Variants in TNXB observed in about 807,000 individuals in gnomAD.
TNXB encodes tenascin-X.
TNXB carries 183 observed loss-of-function variants against 340.5 expected under a neutral mutation model. That is an observed-to-expected ratio of 0.54 (90% CI 0.48 to 0.61). TNXB has a LOEUF of 0.61. Ranked by LOEUF, TNXB falls within the 20% of genes least tolerant of loss-of-function variation. The pLI is 0.00. For missense variants in TNXB, 4,613 were observed against 5,446.4 expected (o/e 0.85, Z 4.82); for synonymous variants, 2,121 against 2,314.5 (o/e 0.92, Z 2.40).
At position 32,081,817 on chromosome 6, in the gene TNXB, G is replaced by A; in HGVS notation, c.3737-144C>T. On this transcript the variant is annotated intron_variant, in intron 9 of 43. Coordinates refer to ENST00000644971, the MANE Select transcript of TNXB (RefSeq NM_001365276.2). The surrounding 1 kb of genome is among the most constrained non-coding windows in gnomAD (Gnocchi z 5.1). ...CTAAACTTCTGGGAAGCCTGACACAGCCAGGGTATGACACACCTTCTGGGC... is the reference window on the plus strand; with the variant it reads ...CTAAACTTCTGGGAAGCCTGACACAACCAGGGTATGACACACCTTCTGGGC... 1.4e-6 allele frequency: 1 copy of A among 696,530 alleles called. No homozygotes were observed. Among genetic ancestry groups the A allele is most frequent in the South Asian group, 1.9e-5 (1 of 51,760 alleles). The allele number at this position is 696,530 out of a possible 1,614,324, so 43.1% of individuals were successfully genotyped here.
chr6:32,064,699 C>T lies in TNXB; in HGVS notation c.6841+122G>A, dbSNP rs1333078375. ...CTCGGAGTGAAGGCACCAGCAGAACCATTCCCAGGAGCTTGGGAGGCTTGG... is the reference window on the plus strand; with the variant it reads ...CTCGGAGTGAAGGCACCAGCAGAACTATTCCCAGGAGCTTGGGAGGCTTGG... On this transcript the variant is annotated intron_variant, in intron 19 of 43. Transcript: ENST00000644971. This position sits in a 1 kb window ranked among gnomAD's most constrained non-coding sequence, Gnocchi z 5.3. 2.9e-6 allele frequency: 4 copies of T among 1,362,438 alleles called. No individual in the cohort carries two copies. Among genetic ancestry groups the T allele is most frequent in the Non-Finnish European group, 3.9e-6 (4 of 1,026,516 alleles). The allele number at this position is 1,362,438 out of a possible 1,614,324, so 84.4% of individuals were successfully genotyped here.
rs199828189 is a variant in TNXB, at chr6:32,049,596, GAGA to G, written c.9440-12_9440-10del. The G allele has an allele frequency of 4.8e-3, 7,779 of 1,607,978 alleles. 160 individuals are homozygous for G. The highest frequency in any genetic ancestry group is 0.042 in the Admixed American group (2,494 of 59,846). On this transcript the variant is annotated splice_polypyrimidine_tract_variant and intron_variant, in intron 27 of 43. Transcript: ENST00000644971. The surrounding 1 kb of genome is among the most constrained non-coding windows in gnomAD (Gnocchi z 4.5). ...GCTGGGGGTCTCTTCCTCTGCAGTG[GAGA>G]AGGAGGGAGAGAGAGTGAGGGGGAT...
In TNXB at chr6:32,050,083, C is replaced by T. The variant is rs1455655573; in HGVS notation, c.9354G>A (p.Leu3118=). The T allele has an allele frequency of 5.0e-6, 8 of 1,613,764 alleles. No homozygotes were observed. Among genetic ancestry groups the T allele is most frequent in the Non-Finnish European group, 6.8e-6 (8 of 1,179,888 alleles). The change falls in exon 27 of 44, where the codon CTG becomes CTA. Residue 3118 remains leucine, a synonymous_variant. Transcript: ENST00000644971. ...GHEDGVTISG[L]EPDHKYKMNL... ...TCATCTTGTATTTATGGTCTGGCTC[C>T]AGGCCTGAGATGGTGACCCCGTCCT...
At position 32,056,669 on chromosome 6, in the gene TNXB, T is replaced by A; in HGVS notation, c.8060A>T (p.Glu2687Val). ...GTTCATCTTGTATTTATGGTCTGGCTCCAGGCCTGAGATGGTGACCCCGTC... is the reference window on the plus strand; with the variant it reads ...GTTCATCTTGTATTTATGGTCTGGCACCAGGCCTGAGATGGTGACCCCGTC... ...HEDGVTISGL[E>V]PDHKYKMNLY... Residue 2687 changes from glutamate (E) to valine (V), a missense_variant, in exon 23 of 44, where the codon GAG (glutamate) becomes GTG (valine). Coordinates refer to ENST00000644971, the MANE Select transcript of TNXB (RefSeq NM_001365276.2). The A allele has an allele frequency of 6.2e-7, 1 of 1,613,100 alleles. No homozygotes were observed. Among genetic ancestry groups the A allele is most frequent in the Non-Finnish European group, 8.5e-7 (1 of 1,179,884 alleles).
intron 11 of TNXB, among the ~76,000 whole-genome samples, chr6:32,077,225 C>G (rs1779129575): frequency 6.6e-6 from 1 of 152,148 alleles, no homozygotes; most frequent in South Asian, 2.1e-4. Flanking sequence ...GGCAGCATGT[C>G]TGGGCCTGGC....
In TNXB at chr6:32,096,814, C is replaced by T; in HGVS notation, c.1039G>A (p.Gly347Ser). 1 of 1,591,836 alleles carries T rather than the reference C, an allele frequency of 6.3e-7. No homozygotes were observed. The highest frequency in any genetic ancestry group is 8.5e-7 in the Non-Finnish European group (1 of 1,171,116). The change falls in exon 3 of 44, where the codon GGC becomes AGC. Residue 347 changes from glycine (G) to serine (S), a missense_variant. Gly to Ser is a moderately conservative substitution (Grantham distance 56). Transcript: ENST00000644971. The stretch of plus-strand genomic sequence containing the variant: ...CCGTCCACGCAGCGCCCGCCCTCGC[C>T]ACAGTCCCAGGGGCAGCTCCGCGTA... ...CGTRSCPWDC[G>S]EGGRCVDGRC...
rs58651735 is a variant in TNXB, at chr6:32,069,320, C to T, written c.5588-184G>A. Among the ~76,000 whole-genome samples, 286 of 152,316 alleles carry T rather than the reference C, an allele frequency of 1.9e-3. No individual in the cohort carries two copies. Among genetic ancestry groups the T allele is most frequent in the African/African-American group, 6.1e-3 (253 of 41,564 alleles). ...GCAAGAAATGAAACACAAGAGACTGCGTATTGTGATTCCATTACATGGAGA... is the reference window on the plus strand; with the variant it reads ...GCAAGAAATGAAACACAAGAGACTGTGTATTGTGATTCCATTACATGGAGA... On this transcript the variant is annotated intron_variant, in intron 15 of 43. Transcript: ENST00000644971. This position sits in a 1 kb window ranked among gnomAD's most constrained non-coding sequence, Gnocchi z 6.2.
chr6:32,042,936 G>A lies in TNXB; in HGVS notation c.11925+15C>T, dbSNP rs1384135021. 5.7e-6 allele frequency: 2 copies of A among 353,436 alleles called. No individual in the cohort carries two copies. Among genetic ancestry groups the A allele is most frequent in the African/African-American group, 8.7e-5 (1 of 11,542 alleles). 21.9% of individuals were successfully genotyped at this position (353,436 alleles called of 1,614,324 possible). ...TCACCCAGGGAGGGGAGTTGGGTCA[G>A]TGGGGCCGGGGCACCTGGTTCTGTC... On this transcript the variant is annotated intron_variant, in intron 38 of 43. Coordinates refer to ENST00000644971, the MANE Select transcript of TNXB (RefSeq NM_001365276.2).
At chr6:32,056,448 G>A (rs1777648039) in intron 23 of TNXB, 138 bp downstream of exon 23, 15 of 1,419,574 alleles carry the variant, frequency 1.1e-5, no homozygotes, top group Non-Finnish European at 1.4e-5. Context: ...CTCAGAGGAA[G>A]GCCCAAGGGG....
Position 32,070,892 on chromosome 6 carries a change from A to G in TNXB, c.4991-478T>C, listed in dbSNP as rs1052553106. ...GGATGTTACGACACAGGTAGTTCTC[A>G]CCCTTCTCCGTTCCCTTTCTTATTC... On this transcript the variant is annotated intron_variant, in intron 13 of 43. Transcript: ENST00000644971. The surrounding 1 kb of genome is among the most constrained non-coding windows in gnomAD (Gnocchi z 6.0). Among the ~76,000 whole-genome samples, 5 of 152,040 alleles carry G rather than the reference A, an allele frequency of 3.3e-5. No individual in the cohort carries two copies. The highest frequency in any genetic ancestry group is 1.2e-4 in the African/African-American group (5 of 41,386).
Position 32,068,947 on chromosome 6 carries a change from C to T in TNXB, c.5777G>A (p.Arg1926His), listed in dbSNP as rs748123602. 23 of 1,612,762 alleles carry T rather than the reference C, an allele frequency of 1.4e-5. No homozygotes were observed. In the African/African-American group the frequency reaches 1.9e-4, roughly 13 times the overall value. ...GATGTCATTCCGGTCACCTCCTATG[C>T]GGACCATTTGGAGTTGCCCGTCTCT... ...TDRDGQLQMV[R>H]IGGDRNDITL... Residue 1926 changes from arginine (R) to histidine (H), a missense_variant, in exon 16 of 44, where the codon CGC becomes CAC. Arg to His is a conservative substitution (Grantham distance 29). Transcript: ENST00000644971. This position sits in a 1 kb window ranked among gnomAD's most constrained non-coding sequence, Gnocchi z 5.3.
intron 28 of TNXB, 60 bp from the exon 29 acceptor site, chr6:32,048,710 T>C: frequency 7.3e-7 from 1 of 1,365,158 alleles, no homozygotes; most frequent in Non-Finnish European, 9.5e-7. Context: ...AGGGAGGCAG[T>C]GCTCTCCCAG....
chr6:32,059,735 C>G (rs1033363200), intron 21 of TNXB, among the ~76,000 whole-genome samples: 1 of 151,988 alleles, frequency 6.6e-6, no homozygotes, highest in African/African-American at 2.4e-5. Flanking sequence ...GCCTCTCCCC[C>G]AGGAATCGGG....
rs1270868556 is a variant in TNXB at position 32,074,001 on chromosome 6, T to A, written c.4376-49A>T. ...TGTTAGTAAAGAATCCCCCTTTTCT[T>A]ATAGTAATGATGTCTAGTTATTTAT... On this transcript the variant is annotated intron_variant, in intron 11 of 43. Transcript: ENST00000644971. This position sits in a 1 kb window ranked among gnomAD's most constrained non-coding sequence, Gnocchi z 5.5. The A allele has an allele frequency of 7.0e-7, 1 of 1,424,840 alleles. No homozygotes were observed. The highest frequency in any genetic ancestry group is 9.4e-7 in the Non-Finnish European group (1 of 1,059,172). The allele number at this position is 1,424,840 out of a possible 1,614,324, so 88.3% of individuals were successfully genotyped here. A position where few individuals can be genotyped will look rare whatever the true frequency, so the allele number is the denominator to read the frequency against.
At chr6:32,059,981 G>T (rs1019107455) in intron 21 of TNXB, among the ~76,000 whole-genome samples, 1 of 151,960 alleles carries the variant, frequency 6.6e-6, no homozygotes, top group African/African-American at 2.4e-5. Context: ...TTAACCTCAT[G>T]ATCTCCACCC....
rs199784025 is a variant in TNXB, at chr6:32,072,286, G to C, written c.4694C>G (p.Pro1565Arg). 2.8e-5 allele frequency: 45 copies of C among 1,597,518 alleles called. No homozygotes were observed. The highest frequency in any genetic ancestry group is 3.6e-5 in the Non-Finnish European group (42 of 1,170,396). The change falls in exon 13 of 44, where the codon CCA becomes CGA. Residue 1565 changes from proline (P) to arginine (R), a missense_variant. Pro to Arg is a moderately radical substitution (Grantham distance 103). Transcript: ENST00000644971. This position sits in a 1 kb window ranked among gnomAD's most constrained non-coding sequence, Gnocchi z 4.4. ...CTTGGAGGCCTCTGTGGCTGGGGCT[G>C]GTGGGAGGGGAGCTGGGATTTGGGA... ...SVVIVTAPLP[P>R]APATEASKPP...
At position 32,068,477 on chromosome 6, in the gene TNXB, G is replaced by C. The variant is rs1188363855; in HGVS notation, c.6133C>G (p.Leu2045Val). ...ATCTTGTATTTATGGTCTGGCTCCA[G>C]GCCCGAGATGGTGACCCCTTCCTCG... is the stretch of plus-strand genomic sequence containing the variant. ...GHEEGVTISG[L>V]EPDHKYKMNL... Residue 2045 changes from leucine to valine, a missense_variant, in exon 17 of 44, where the codon CTG (leucine) becomes GTG (valine). By Grantham distance (32) the Leu-to-Val change is conservative. Transcript: ENST00000644971. The surrounding 1 kb of genome is among the most constrained non-coding windows in gnomAD (Gnocchi z 5.3). 6.2e-7 allele frequency: 1 copy of C among 1,613,896 alleles called. No individual in the cohort carries two copies. Among genetic ancestry groups the C allele is most frequent in the African/African-American group, 1.3e-5 (1 of 75,058 alleles).
At chr6:32,086,713 C>T (rs1779800751) in intron 6 of TNXB, among the ~76,000 whole-genome samples, 1 of 152,176 alleles carries the variant, frequency 6.6e-6, no homozygotes, top group African/African-American at 2.4e-5. Flanking sequence ...GTCTGAAAAG[C>T]CAGCTTAAGA....
chr6:32,086,229 A>G, intron 6 of TNXB, 111 bp from the exon 7 acceptor site: 6 of 1,310,602 alleles, frequency 4.6e-6, no homozygotes, highest in Non-Finnish European at 6.0e-6. Flanking sequence ...TTCTACTTCT[A>G]CTTCTGGTTC....
Sources: gnomAD v4.1 joint callset for allele counts (sites outside exome capture counted in the v4.1 genomes callset) on GRCh38, gnomAD v4.1.1 for gene constraint, Gnocchi (gnomAD v3.1) non-coding constraint, MANE v1.5 for transcripts, NCBI Gene and HGNC (gene_info 2026-07-23, HGNC 2026-07-21) for gene names.